The following SMCO4 variants were observed in gnomAD, a reference collection of about 807,000 sequenced individuals.
SMCO4 encodes single-pass membrane protein with coiled-coil domains 4.
Under a neutral mutation model 3.6 loss-of-function variants are expected in SMCO4, and 4 were observed. The observed-to-expected ratio is 1.11, with a 90% CI of 0.54 to 2.53. The LOEUF is 2.53. Among genes scored for constraint, SMCO4 ranks in the 30% most tolerant of loss-of-function variants. The probability of loss-of-function intolerance (pLI) is 0.02; values close to 1 mark genes in which losing one functional copy is unlikely to be tolerated. For missense variants in SMCO4, 70 were observed against 80.8 expected, an observed-to-expected ratio of 0.87 and a Z score of 0.51; for synonymous variants, 36 against 35.3, an observed-to-expected ratio of 1.02 and a Z score of -0.07.
intron 1 of SMCO4, among the ~76,000 whole-genome samples, chr11:93,509,296 G>T (rs201680525): frequency 1.8e-5 from 2 of 109,782 alleles, no homozygotes; most frequent in Admixed American, 1.7e-4. Flanking sequence ...ACTCAAAAAT[G>T]GAAAAAAAAA....
intron 2 of SMCO4, among the ~76,000 whole-genome samples, chr11:93,497,882 G>A (rs1565377622): frequency 6.6e-6 from 1 of 152,194 alleles, no homozygotes; most frequent in Non-Finnish European, 1.5e-5. Context: ...GGCAGAAAGG[G>A]CTGAGTCAAG....
chr11:93,487,470 G>C (rs930425162), intron 2 of SMCO4, among the ~76,000 whole-genome samples: 1 of 152,122 alleles, frequency 6.6e-6, no homozygotes, highest in Non-Finnish European at 1.5e-5. Flanking sequence ...CATAGCTACA[G>C]ACAGATAAAA....
At chr11:93,487,099 G>A (rs1948659290) in intron 2 of SMCO4, among the ~76,000 whole-genome samples, 1 of 152,164 alleles carries the variant, frequency 6.6e-6, no homozygotes, top group East Asian at 1.9e-4. Context: ...GCTGCCCTGG[G>A]TTCAGGGAGA....
chr11:93,499,530 C>A (rs1436523842), intron 1 of SMCO4, among the ~76,000 whole-genome samples, 182 bp from the exon 2 acceptor site: 1 of 152,202 alleles, frequency 6.6e-6, no homozygotes, highest in African/African-American at 2.4e-5. Flanking sequence ...GACAGATACA[C>A]TGGCACATGT....
intron 2 of SMCO4, among the ~76,000 whole-genome samples, chr11:93,498,649 T>A (rs1306589909): frequency 6.6e-6 from 1 of 152,252 alleles, no homozygotes; most frequent in Non-Finnish European, 1.5e-5. Flanking sequence ...ATTAGCTTCA[T>A]TTCACCAATA....
intron 1 of SMCO4, among the ~76,000 whole-genome samples, chr11:93,508,556 T>C (rs1013598720): frequency 3.3e-5 from 5 of 152,200 alleles, no homozygotes; most frequent in Admixed American, 6.5e-5. Context: ...GAACTGCAAC[T>C]GAATGGAATT....
chr11:93,501,218 T>C (rs945723345), intron 1 of SMCO4, among the ~76,000 whole-genome samples: 1 of 152,042 alleles, frequency 6.6e-6, no homozygotes, highest in Admixed American at 6.6e-5. Context: ...GTACAGAAAT[T>C]GGGAGTAAGT....
At chr11:93,493,886 G>C (rs1437463235) in intron 2 of SMCO4, among the ~76,000 whole-genome samples, 6 of 152,198 alleles carry the variant, frequency 3.9e-5, no homozygotes, top group Non-Finnish European at 7.4e-5. Flanking sequence ...CCAGAAGTCT[G>C]GGGATCTCCT....
At chr11:93,512,204 G>A (rs1369150377) in intron 1 of SMCO4, among the ~76,000 whole-genome samples, 1 of 152,196 alleles carries the variant, frequency 6.6e-6, no homozygotes, top group African/African-American at 2.4e-5. Flanking sequence ...TGAGGACTTA[G>A]TGTACAGTCA....
upstream of SMCO4, among the ~76,000 whole-genome samples, chr11:93,543,903 G>C (rs1591334476): frequency 6.6e-6 from 1 of 152,250 alleles, no homozygotes; most frequent in Admixed American, 6.5e-5. Flanking sequence ...CAAGCGGACA[G>C]AGATCCTGAC....
intron 1 of SMCO4, among the ~76,000 whole-genome samples, chr11:93,508,784 G>A (rs558344340): frequency 5.9e-5 from 9 of 152,262 alleles, no homozygotes; most frequent in African/African-American, 1.9e-4. Context: ...GAGAAAATTG[G>A]TTCCTATTTC....
At chr11:93,546,917 T>A (rs4753469), upstream of SMCO4, among the ~76,000 whole-genome samples, 149,431 of 152,278 alleles carry the variant, frequency 0.98, 73,373 homozygotes, top group Non-Finnish European at 1. Context: ...GCTCTTCTCT[T>A]CTTCACAGAA....
At chr11:93,499,472 G>C (rs1390580417) in intron 1 of SMCO4, 124 bp from the exon 2 acceptor site, 1 of 152,136 alleles carries the variant, frequency 6.6e-6, no homozygotes, top group African/African-American at 2.4e-5. Flanking sequence ...TCTCCCAACT[G>C]GCTTAGGGAT....
chr11:93,548,443 C>T, the SMCO4 span, among the ~76,000 whole-genome samples: 1 of 152,204 alleles, frequency 6.6e-6, no homozygotes, highest in African/African-American at 2.4e-5. Context: ...GCTTCAGACC[C>T]ATCAGAAAAT....
upstream of SMCO4, among the ~76,000 whole-genome samples, chr11:93,544,426 A>T (rs1187417580): frequency 6.6e-6 from 1 of 152,176 alleles, no homozygotes; most frequent in Non-Finnish European, 1.5e-5. Context: ...CACCGGTAAA[A>T]ATATAACAAG....
chr11:93,524,776 T>G (rs182299156), intron 1 of SMCO4, among the ~76,000 whole-genome samples: 43 of 152,182 alleles, frequency 2.8e-4, no homozygotes, highest in Non-Finnish European at 3.4e-4. Context: ...AGGTGGTGCA[T>G]CCAATGCGTT....
chr11:93,503,980 T>C (rs1948874089), intron 1 of SMCO4, among the ~76,000 whole-genome samples: 1 of 152,242 alleles, frequency 6.6e-6, no homozygotes, highest in Non-Finnish European at 1.5e-5. Context: ...CACAATGATC[T>C]TAATTATGCA....
chr11:93,500,023 T>C (rs1223875889), intron 1 of SMCO4, among the ~76,000 whole-genome samples: 2 of 152,118 alleles, frequency 1.3e-5, no homozygotes, highest in East Asian at 3.9e-4. Flanking sequence ...TAAATAAGAG[T>C]TCCCTTGAAA....
intron 1 of SMCO4, among the ~76,000 whole-genome samples, chr11:93,514,629 A>G (rs967281506): frequency 1.3e-5 from 2 of 152,064 alleles, no homozygotes; most frequent in Admixed American, 1.3e-4. Context: ...ATGGTGTTAC[A>G]TAACTTCTTA....
Sources: allele counts gnomAD v4.1 joint callset (sites outside exome capture counted in the v4.1 genomes callset), GRCh38; gene constraint gnomAD v4.1.1; transcripts MANE v1.5; gene names NCBI Gene and HGNC (gene_info 2026-07-23, HGNC 2026-07-21).